The following ROCK2 variants were observed in gnomAD, a reference collection of about 807,000 sequenced individuals.
ROCK2 encodes Rho associated coiled-coil containing protein kinase 2, also known as rho-associated protein kinase 2.
A neutral mutation model predicts 195.1 loss-of-function variants in ROCK2; 61 were observed. The ratio of observed to expected loss-of-function variants is 0.31; its 90% CI spans 0.25 to 0.39. ROCK2 has a LOEUF of 0.39. ROCK2 is among the 10% of genes least tolerant of loss of function. The probability of loss-of-function intolerance (pLI) is 1.00; values close to 1 mark genes in which losing one functional copy is unlikely to be tolerated. For synonymous variants in ROCK2, 504 were observed against 545.5 expected, an observed-to-expected ratio of 0.92 and a Z score of 1.06; for missense variants, 1,109 against 1,637.4, an observed-to-expected ratio of 0.68 and a Z score of 5.57.
At chr2:11,183,472 TA>T in intron 32 of ROCK2, 32 bp from the exon 33 acceptor site, 1 of 1,507,924 alleles carries the variant, frequency 6.6e-7, no homozygotes, top group Non-Finnish European at 9.1e-7. Flanking sequence ...AGTTAGTTGA[TA>T]CAGTGAAATA....
At chr2:11,331,251 A>C (rs1218410134) in intron 1 of ROCK2, among the ~76,000 whole-genome samples, 1 of 152,190 alleles carries the variant, frequency 6.6e-6, no homozygotes, top group Non-Finnish European at 1.5e-5. Context: ...AAAGCAAAAG[A>C]GTAGAATCAC....
chr2:11,240,421 T>A (rs1220425920), intron 4 of ROCK2, among the ~76,000 whole-genome samples: 1 of 152,230 alleles, frequency 6.6e-6, no homozygotes, highest in Non-Finnish European at 1.5e-5. Context: ...TACAATGGAA[T>A]ACTATTCAGC....
rs550187616 is a variant in ROCK2, at chr2:11,218,284, C to T, written c.1332+171G>A. 7 of 444,238 alleles carry T rather than the reference C, an allele frequency of 1.6e-5. No homozygotes were observed. The Middle Eastern group carries it at 1.9e-3, about 123-fold the overall frequency. The allele number at this position is 444,238 out of a possible 1,614,324, so 27.5% of individuals were successfully genotyped here. On this transcript the variant is annotated intron_variant, in intron 11 of 32. Coordinates refer to ENST00000315872, the MANE Select transcript of ROCK2 (RefSeq NM_004850.5). ...AAAATTACATAATATATATTTTAAA[C>T]AGATCCACAGAACAATAATAAAAGA... is the stretch of plus-strand genomic sequence containing the variant.
chr2:11,192,827 A>G lies in ROCK2; in HGVS notation c.3688-115T>C. On this transcript the variant is annotated intron_variant, in intron 30 of 32. Coordinates refer to ENST00000315872, the MANE Select transcript of ROCK2 (RefSeq NM_004850.5). This position sits in a 1 kb window ranked among gnomAD's most constrained non-coding sequence, Gnocchi z 5.0. ...AGCCTAAATTATTCAAAGAGAAGAAAATGTATCTGAAGTACAAACTTAAGC... is the reference window on the plus strand; with the variant it reads ...AGCCTAAATTATTCAAAGAGAAGAAGATGTATCTGAAGTACAAACTTAAGC... The G allele has an allele frequency of 3.4e-6, 4 of 1,175,620 alleles. No individual in the cohort carries two copies. Among genetic ancestry groups the G allele is most frequent in the Non-Finnish European group, 4.7e-6 (4 of 858,204 alleles). The allele number at this position is 1,175,620 out of a possible 1,614,324, so 72.8% of individuals were successfully genotyped here.
chr2:11,329,096 G>C (rs1324550374), intron 1 of ROCK2, among the ~76,000 whole-genome samples: 1 of 79,012 alleles, frequency 1.3e-5, no homozygotes, highest in African/African-American at 2.9e-5. Flanking sequence ...GCAAAAAAAA[G>C]AAACAAAAAA....
At chr2:11,213,354 T>C (rs1179015377) in intron 17 of ROCK2, among the ~76,000 whole-genome samples, 1 of 152,138 alleles carries the variant, frequency 6.6e-6, no homozygotes, top group Non-Finnish European at 1.5e-5. Context: ...GTATTCGCTA[T>C]CTTGCATGAT....
At chr2:11,269,527 TC>T (rs1327507581) in intron 3 of ROCK2, among the ~76,000 whole-genome samples, 2 of 146,758 alleles carry the variant, frequency 1.4e-5, no homozygotes, top group African/African-American at 5.0e-5. Flanking sequence ...AAAAAAAAAA[TC>T]TTTTTTGAAT....
At chr2:11,254,727 TAAAA>T (rs10640683) in intron 3 of ROCK2, among the ~76,000 whole-genome samples, 11 of 39,126 alleles carry the variant, frequency 2.8e-4, no homozygotes, top group African/African-American at 7.9e-4. Flanking sequence ...CCCTGTCTCT[TAAAA>T]AAAAAAAAAA....
At chr2:11,343,929 G>A (rs1669193507) in intron 1 of ROCK2, 67 bp downstream of exon 1, 2 of 1,527,014 alleles carry the variant, frequency 1.3e-6, no homozygotes, top group Non-Finnish European at 1.8e-6. Context: ...GGGCACGGAG[G>A]GCTGGGCGGA....
At chr2:11,286,426 A>T in intron 3 of ROCK2, 113 bp downstream of exon 3, 1 of 686,412 alleles carries the variant, frequency 1.5e-6, no homozygotes, top group Non-Finnish European at 2.6e-6. Context: ...AAGATCACAA[A>T]GCCACCTTCT....
intron 3 of ROCK2, among the ~76,000 whole-genome samples, chr2:11,262,589 A>AG (rs905584690): frequency 4.6e-5 from 7 of 152,260 alleles, no homozygotes; most frequent in Non-Finnish European, 1.0e-4. Context: ...GGTTATTATA[A>AG]GGGGGGAGTT....
chr2:11,319,001 C>T (rs1668317184), intron 1 of ROCK2, among the ~76,000 whole-genome samples: 1 of 152,202 alleles, frequency 6.6e-6, no homozygotes, highest in Non-Finnish European at 1.5e-5. Context: ...GTTTTGGTTA[C>T]TGTAGCCTTG....
At chr2:11,296,650 T>A (rs1667546693) in intron 1 of ROCK2, among the ~76,000 whole-genome samples, 1 of 152,118 alleles carries the variant, frequency 6.6e-6, no homozygotes, top group Admixed American at 6.5e-5. Context: ...AGTTGGAAGG[T>A]TTTTACACTT....
At chr2:11,199,978 C>T (rs1254600336) in intron 23 of ROCK2, among the ~76,000 whole-genome samples, 3 of 152,176 alleles carry the variant, frequency 2.0e-5, no homozygotes, top group Admixed American at 2.0e-4. Flanking sequence ...ATTTTCTAGA[C>T]ATTCTTCAGA....
At chr2:11,196,678 G>T (rs535038737) in intron 27 of ROCK2, among the ~76,000 whole-genome samples, 1 of 152,276 alleles carries the variant, frequency 6.6e-6, no homozygotes, top group South Asian at 2.1e-4. Flanking sequence ...AAGATTTTCA[G>T]GATATCACCT....
At chr2:11,321,373 T>G (rs1668394647) in intron 1 of ROCK2, among the ~76,000 whole-genome samples, 1 of 151,578 alleles carries the variant, frequency 6.6e-6, no homozygotes, top group Non-Finnish European at 1.5e-5. Context: ...ACAGGGTTTT[T>G]TGCCATGTTA....
intron 13 of ROCK2, 100 bp downstream of exon 13, chr2:11,216,058 A>T: frequency 2.3e-6 from 2 of 887,286 alleles, no homozygotes; most frequent in Non-Finnish European, 3.8e-6. Context: ...GTAGGTTTCA[A>T]GGCACGTATT....
chr2:11,316,836 G>A (rs1258201641), intron 1 of ROCK2, among the ~76,000 whole-genome samples: 1 of 152,104 alleles, frequency 6.6e-6, no homozygotes, highest in Non-Finnish European at 1.5e-5. Context: ...AAAATAGTAA[G>A]TGAATGAAAA....
At chr2:11,336,970 T>C (rs1340848202) in intron 1 of ROCK2, among the ~76,000 whole-genome samples, 3 of 152,156 alleles carry the variant, frequency 2.0e-5, no homozygotes, top group African/African-American at 7.2e-5. Context: ...GGGCCAGGCA[T>C]GGCGGCTTGT....
Sources: allele counts gnomAD v4.1 joint callset (sites outside exome capture counted in the v4.1 genomes callset), GRCh38; gene constraint gnomAD v4.1.1; non-coding constraint Gnocchi (gnomAD v3.1); transcripts MANE v1.5; gene names NCBI Gene and HGNC (gene_info 2026-07-23, HGNC 2026-07-21).